The following CLVS1 variants were observed in gnomAD, a reference collection of about 807,000 sequenced individuals.
CLVS1 encodes clavesin-1.
CLVS1 carries 10 observed loss-of-function variants against 33.1 expected under a neutral mutation model. That is an observed-to-expected ratio of 0.30 (90% CI 0.19 to 0.51). The LOEUF is 0.51. CLVS1 is among the 20% of genes least tolerant of loss of function. The probability of loss-of-function intolerance (pLI) is 0.97; values close to 1 mark genes in which losing one functional copy is unlikely to be tolerated. For missense variants in CLVS1, 343 were observed against 433.4 expected, an observed-to-expected ratio of 0.79 and a Z score of 1.85; for synonymous variants, 163 against 166.1, an observed-to-expected ratio of 0.98 and a Z score of 0.14.
At chr8:61,247,975 G>A (rs1449734145) in intron 2 of CLVS1, among the ~76,000 whole-genome samples, 1 of 152,090 alleles carries the variant, frequency 6.6e-6, no homozygotes, top group African/African-American at 2.4e-5. Flanking sequence ...GTGTAAGGAA[G>A]GGGGTCCAGT....
At chr8:61,410,734 TG>T (rs1440910947) in intron 3 of CLVS1, among the ~76,000 whole-genome samples, 1 of 152,144 alleles carries the variant, frequency 6.6e-6, no homozygotes, top group Non-Finnish European at 1.5e-5. Context: ...CTCCGCCTCC[TG>T]GGTTCAAGCA....
intron 3 of CLVS1, among the ~76,000 whole-genome samples, chr8:61,435,249 G>T (rs1035256155): frequency 2.0e-5 from 3 of 152,126 alleles, no homozygotes; most frequent in African/African-American, 7.2e-5. Flanking sequence ...CCCTGAAAGG[G>T]AAAAACAATC....
At chr8:61,226,389 G>A (rs966204005) in intron 2 of CLVS1, among the ~76,000 whole-genome samples, 18 of 152,282 alleles carry the variant, frequency 1.2e-4, no homozygotes, top group African/African-American at 3.6e-4. Flanking sequence ...AATTGACTGC[G>A]TTCTTGCTTG....
rs369161946 is a variant in CLVS1 at position 61,074,360 on chromosome 8, G to GTA, written c.-243+17145_-243+17146dup. Among the ~76,000 whole-genome samples the GTA allele has an allele frequency of 1.3e-3, 120 of 92,320 alleles. 6 individuals carry two copies. The highest frequency in any genetic ancestry group is 4.7e-3 in the Middle Eastern group (1 of 212). The allele number at this position is 92,320 out of a possible 152,430, so 60.6% of individuals were successfully genotyped here. Reference sequence around the variant, plus strand: ...CTCAAATTTAAATATGTGTGTGTGTGTATATATATATATATAAGTATATGT... The same window carrying GTA: ...CTCAAATTTAAATATGTGTGTGTGTGTATATATATATATATATAAGTATATGT... On this transcript the variant is annotated intron_variant, in intron 1 of 2. Coordinates refer to the CLVS1 transcript ENST00000522621.
intron 3 of CLVS1, among the ~76,000 whole-genome samples, chr8:61,410,786 CGTG>C (rs1815191004): frequency 6.6e-6 from 1 of 152,230 alleles, no homozygotes; most frequent in South Asian, 2.1e-4. Context: ...GGACTACAGG[CGTG>C]AACCACCACA....
chr8:61,471,602 C>T (rs6994836), intron 5 of CLVS1, among the ~76,000 whole-genome samples: 118,755 of 152,044 alleles, frequency 0.78, 48,379 homozygotes, highest in Non-Finnish European at 0.9. Context: ...TGGCCAAGCA[C>T]GTTGGGAGCG....
At chr8:61,175,357 C>T (rs902581470) in intron 2 of CLVS1, among the ~76,000 whole-genome samples, 1 of 152,128 alleles carries the variant, frequency 6.6e-6, no homozygotes, top group African/African-American at 2.4e-5. Flanking sequence ...ATCTATGAAC[C>T]AGGGAACAAG....
chr8:61,434,114 T>C (rs1816221456), intron 3 of CLVS1, among the ~76,000 whole-genome samples: 1 of 152,144 alleles, frequency 6.6e-6, no homozygotes, highest in African/African-American at 2.4e-5. Flanking sequence ...TTTTAATCTC[T>C]TCCAGGGAAT....
At chr8:61,400,737 CA>C (rs1485507322) in intron 3 of CLVS1, among the ~76,000 whole-genome samples, 11 of 152,126 alleles carry the variant, frequency 7.2e-5, no homozygotes, top group Admixed American at 2.0e-4. Flanking sequence ...GAGTTGTTAA[CA>C]TGAAACGATG....
chr8:61,370,291 G>A (rs2129601041), intron 2 of CLVS1: 1 of 152,058 alleles, frequency 6.6e-6, no homozygotes, highest in African/African-American at 2.4e-5. Flanking sequence ...AGATTTTGGT[G>A]CACCTGTCAC....
chr8:61,486,614 G>A (rs1010163327), intron 5 of CLVS1, among the ~76,000 whole-genome samples: 2 of 152,158 alleles, frequency 1.3e-5, no homozygotes, highest in Admixed American at 6.5e-5. Context: ...GAGGAGTTGA[G>A]GAGGTAAGTG....
chr8:61,418,131 C>T (rs542439122), intron 3 of CLVS1, among the ~76,000 whole-genome samples: 17 of 152,320 alleles, frequency 1.1e-4, no homozygotes, highest in Non-Finnish European at 1.9e-4. Context: ...TGGCTTTCCC[C>T]CAGGTTCAGT....
At chr8:61,275,530 A>T (rs1256187305) in intron 2 of CLVS1, among the ~76,000 whole-genome samples, 1 of 152,212 alleles carries the variant, frequency 6.6e-6, no homozygotes. Flanking sequence ...GGTCGTTAAT[A>T]TAACACTTCA....
chr8:60,983,368 C>T, the CLVS1 span, among the ~76,000 whole-genome samples: 2 of 152,106 alleles, frequency 1.3e-5, no homozygotes, highest in Non-Finnish European at 2.9e-5. Flanking sequence ...TGAACCAGAC[C>T]TCATTATGAG....
chr8:61,251,041 G>C (rs1188747314), intron 2 of CLVS1, among the ~76,000 whole-genome samples: 1 of 152,148 alleles, frequency 6.6e-6, no homozygotes, highest in East Asian at 1.9e-4. Flanking sequence ...GTATGATATT[G>C]GCTGTGGGTT....
chr8:61,185,225 G>A (rs11994709), intron 2 of CLVS1, among the ~76,000 whole-genome samples: 2,581 of 151,182 alleles, frequency 0.017, 77 homozygotes, highest in African/African-American at 0.06. Flanking sequence ...TGTCTGAAGC[G>A]TTGACCCCTG....
At chr8:61,126,369 T>C (rs1455087944) in intron 1 of CLVS1, among the ~76,000 whole-genome samples, 1 of 152,194 alleles carries the variant, frequency 6.6e-6, no homozygotes, top group Non-Finnish European at 1.5e-5. Context: ...GGAAGGCAAC[T>C]GGGTTTGGTG....
In CLVS1 at chr8:61,109,053, A is replaced by C. The variant is rs926257281; in HGVS notation, c.-242-22717A>C. Among the ~76,000 whole-genome samples the C allele has an allele frequency of 3.9e-5, 6 of 152,144 alleles. 1 individual carries two copies. Among genetic ancestry groups the C allele is most frequent in the Admixed American group, 3.3e-4 (5 of 15,280 alleles). The stretch of plus-strand genomic sequence containing the variant: ...TAATTTTCTACTTGGAGTTTCTCAC[A>C]CTTGACTAAATGCTGGCTGAGGAGC... On this transcript the variant is annotated intron_variant, in intron 1 of 2. Coordinates refer to the CLVS1 transcript ENST00000522621.
chr8:61,172,903 G>A (rs1210523415), intron 2 of CLVS1, among the ~76,000 whole-genome samples: 2 of 152,112 alleles, frequency 1.3e-5, no homozygotes, highest in African/African-American at 2.4e-5. Flanking sequence ...GCATTTCTTT[G>A]CTCCAGACTT....
Sources: gnomAD v4.1 joint callset for allele counts (sites outside exome capture counted in the v4.1 genomes callset) on GRCh38, gnomAD v4.1.1 for gene constraint, MANE v1.5 for transcripts, NCBI Gene and HGNC (gene_info 2026-07-23, HGNC 2026-07-21) for gene names.